The following ANO6 variants were observed in gnomAD, a reference collection of about 807,000 sequenced individuals.
ANO6 encodes the protein anoctamin 6.
ANO6 carries 106 observed loss-of-function variants against 117.5 expected under a neutral mutation model. The ratio of observed to expected loss-of-function variants is 0.90; its 90% CI spans 0.77 to 1.06. The LOEUF (loss-of-function observed/expected upper bound fraction) is 1.06, where lower values mean the gene tolerates loss of function less well. ANO6 is among the 50% of genes least tolerant of loss of function. ANO6 has a pLI of 0.00. For missense variants in ANO6, 955 were observed against 1,121.1 expected (o/e 0.85, Z 2.12); for synonymous variants, 367 against 385.1 (o/e 0.95, Z 0.55).
chr12:45,355,812 A>G (rs1277396107), intron 7 of ANO6, among the ~76,000 whole-genome samples: 1 of 152,168 alleles, frequency 6.6e-6, no homozygotes, highest in African/African-American at 2.4e-5. Context: ...GTGCTTGTCC[A>G]GCCCAGGGAT....
At chr12:45,252,364 G>A (rs1191452810) in intron 1 of ANO6, among the ~76,000 whole-genome samples, 6 of 152,192 alleles carry the variant, frequency 3.9e-5, no homozygotes, top group Non-Finnish European at 8.8e-5. Context: ...AGGTGGTGGC[G>A]TAAAGGGTTG....
intron 3 of ANO6, among the ~76,000 whole-genome samples, chr12:45,334,370 C>T (rs1053657950): frequency 6.6e-6 from 1 of 152,004 alleles, no homozygotes; most frequent in East Asian, 1.9e-4. Context: ...AGTTTATTGG[C>T]TCAATGAAGT....
At chr12:45,397,925 A>G (rs1942671113) in intron 12 of ANO6, among the ~76,000 whole-genome samples, 1 of 152,170 alleles carries the variant, frequency 6.6e-6, no homozygotes, top group South Asian at 2.1e-4. Context: ...TGGCACGTGT[A>G]TACCTATGTG....
chr12:45,269,016 C>T (rs933736536), intron 1 of ANO6, among the ~76,000 whole-genome samples: 4 of 152,174 alleles, frequency 2.6e-5, no homozygotes, highest in Non-Finnish European at 4.4e-5. Flanking sequence ...CGCCTGGCCG[C>T]TCATTGGATT....
intron 12 of ANO6, among the ~76,000 whole-genome samples, chr12:45,397,241 T>C (rs1942642449): frequency 6.6e-6 from 1 of 152,198 alleles, no homozygotes; most frequent in Admixed American, 6.5e-5. Flanking sequence ...GAAAAAATGC[T>C]CATCATCATT....
At chr12:45,403,289 T>C (rs774109800) in intron 14 of ANO6, 48 bp downstream of exon 14, 1 of 1,591,466 alleles carries the variant, frequency 6.3e-7, no homozygotes, top group Admixed American at 1.7e-5. Flanking sequence ...CTGAGTTTTC[T>C]CTCAGTTGCC....
chr12:45,377,421 A>G (rs1261024105), intron 9 of ANO6, among the ~76,000 whole-genome samples: 4 of 152,208 alleles, frequency 2.6e-5, no homozygotes, highest in Middle Eastern at 6.3e-3. Context: ...TTTATCATTC[A>G]TGATCATTGT....
chr12:45,340,564 A>G (rs1360542328), intron 3 of ANO6, among the ~76,000 whole-genome samples: 1 of 152,146 alleles, frequency 6.6e-6, no homozygotes, highest in Non-Finnish European at 1.5e-5. Flanking sequence ...CCAAATAAAG[A>G]TCATAGACTA....
intron 12 of ANO6, among the ~76,000 whole-genome samples, chr12:45,396,125 A>C (rs1942605530): frequency 6.6e-6 from 1 of 152,224 alleles, no homozygotes; most frequent in African/African-American, 2.4e-5. Flanking sequence ...CCTTAAGCTA[A>C]TAAGCAACTT....
intron 1 of ANO6, among the ~76,000 whole-genome samples, chr12:45,267,319 T>C (rs1425483168): frequency 6.6e-6 from 1 of 152,108 alleles, no homozygotes; most frequent in African/African-American, 2.4e-5. Flanking sequence ...AATTTCTTCC[T>C]CTTTTAAGGA....
At position 45,401,852 on chromosome 12, in the gene ANO6, A is replaced by T. The variant is rs1291796607; in HGVS notation, c.1444A>T (p.Ile482Phe). Residue 482 changes from isoleucine (I) to phenylalanine (F), a missense_variant, in exon 13 of 20, where the codon ATT becomes TTT. Ile to Phe is a conservative substitution (Grantham distance 21). Transcript: ENST00000320560. ...CATTGTCTATAGGCTCTCGGTGTTC[A>T]TTGTATTTTCTGCAAAACTTCCCAA... is the stretch of plus-strand genomic sequence containing the variant. ...GIIVYRLSVF[I>F]VFSAKLPKNI... 1 of 1,613,802 alleles carries T rather than the reference A, an allele frequency of 6.2e-7. No homozygotes were observed. Among genetic ancestry groups the T allele is most frequent in the South Asian group, 1.1e-5 (1 of 91,074 alleles).
At chr12:45,350,239 G>C (rs1263485793) in intron 6 of ANO6, among the ~76,000 whole-genome samples, 1 of 152,186 alleles carries the variant, frequency 6.6e-6, no homozygotes, top group Non-Finnish European at 1.5e-5. Context: ...TTTTAGAATT[G>C]ACCCTGCTGC....
downstream of ANO6, among the ~76,000 whole-genome samples, chr12:45,436,505 C>T (rs1410549874): frequency 6.6e-6 from 1 of 152,184 alleles, no homozygotes; most frequent in Non-Finnish European, 1.5e-5. Context: ...CTATGCTTCT[C>T]ACCCTGGATT....
intron 3 of ANO6, among the ~76,000 whole-genome samples, chr12:45,338,196 A>G (rs895899942): frequency 1.3e-5 from 2 of 152,078 alleles, no homozygotes; most frequent in Non-Finnish European, 2.9e-5. Flanking sequence ...AATAAAAACA[A>G]AACTGGTTGT....
intron 4 of ANO6, 88 bp from the exon 5 acceptor site, chr12:45,347,940 G>T: frequency 7.6e-7 from 1 of 1,308,658 alleles, no homozygotes; most frequent in Non-Finnish European, 1.1e-6. Context: ...TTTTTTTAAA[G>T]CTACCAACAA....
At chr12:45,281,962 A>T (rs147525257) in intron 1 of ANO6, among the ~76,000 whole-genome samples, 1 of 152,122 alleles carries the variant, frequency 6.6e-6, no homozygotes, top group Non-Finnish European at 1.5e-5. Context: ...TAACAGATGC[A>T]AGGGGCTTGG....
chr12:45,388,361 T>C, intron 11 of ANO6, 58 bp downstream of exon 11: 2 of 1,605,238 alleles, frequency 1.2e-6, no homozygotes, highest in South Asian at 2.2e-5. Context: ...GTTCTCCTCC[T>C]TGGCCGCACA....
chr12:45,381,236 T>C (rs1458229511), intron 10 of ANO6, among the ~76,000 whole-genome samples: 5 of 152,254 alleles, frequency 3.3e-5, no homozygotes, highest in Admixed American at 2.0e-4. Context: ...TACAGTAATA[T>C]CCTGATTAAG....
At chr12:45,220,046 T>G (rs936349130) in intron 1 of ANO6, among the ~76,000 whole-genome samples, 9 of 152,210 alleles carry the variant, frequency 5.9e-5, no homozygotes, top group Admixed American at 5.2e-4. Context: ...GCATCTCTTC[T>G]TGTTCATGTA....
Sources: allele counts gnomAD v4.1 joint callset (sites outside exome capture counted in the v4.1 genomes callset), GRCh38; gene constraint gnomAD v4.1.1; transcripts MANE v1.5; gene names NCBI Gene and HGNC (gene_info 2026-07-23, HGNC 2026-07-21).